COL22A1: variants seen among roughly 807,000 people sequenced by gnomAD.
The protein encoded by COL22A1 is collagen type XXII alpha 1 chain.
Under a neutral mutation model 248.9 loss-of-function variants are expected in COL22A1, and 221 were observed. The observed-to-expected ratio is 0.89, with a 90% CI of 0.80 to 0.99. The LOEUF is 0.99. Among genes scored for constraint, COL22A1 ranks in the 50% least tolerant of loss-of-function variants. COL22A1 has a pLI of 0.00. For missense variants in COL22A1, 2,240 were observed against 2,179.0 expected (o/e 1.03, Z -0.56); for synonymous variants, 891 against 793.4 (o/e 1.12, Z -2.07).
At chr8:138,627,934 T>C (rs1470751330) in intron 50 of COL22A1, among the ~76,000 whole-genome samples, 1 of 152,188 alleles carries the variant, frequency 6.6e-6, no homozygotes, top group African/African-American at 2.4e-5. Flanking sequence ...TTGAAGACGC[T>C]GACCAAAAGT....
chr8:138,641,889 T>A (rs1160609399), intron 47 of COL22A1, among the ~76,000 whole-genome samples: 1 of 152,222 alleles, frequency 6.6e-6, no homozygotes, highest in Admixed American at 6.5e-5. Context: ...AGATACTGTT[T>A]GATAAATGAA....
chr8:138,635,119 T>C, intron 48 of COL22A1, 56 bp from the exon 49 acceptor site: 1 of 1,391,558 alleles, frequency 7.2e-7, no homozygotes, highest in Non-Finnish European at 9.9e-7. Context: ...CTTTTTACTT[T>C]GTGCAAATAT....
chr8:138,865,366 A>G (rs1471522315), intron 3 of COL22A1, among the ~76,000 whole-genome samples: 1 of 151,778 alleles, frequency 6.6e-6, no homozygotes. Flanking sequence ...ATGTGTGGGT[A>G]TGTTTGTATG....
intron 13 of COL22A1, 41 bp from the exon 14 acceptor site, chr8:138,779,603 A>G: frequency 7.0e-7 from 1 of 1,431,156 alleles, no homozygotes. Context: ...GCAGTGGGAC[A>G]CAGGCCCAGG....
Position 138,684,450 on chromosome 8 carries a change from C to A in COL22A1, c.2987G>T (p.Gly996Val). The A allele has an allele frequency of 6.2e-7, 1 of 1,611,452 alleles. No individual in the cohort carries two copies. Among genetic ancestry groups the A allele is most frequent in the Non-Finnish European group, 8.5e-7 (1 of 1,177,674 alleles). ...CTTGGTTCCTAGGGGTCCAGGGAGT[C>A]CAGGTGATCCACGGAGTCCCTGGAG... ...DGEPGLRGSP[G>V]LPGPLGTKAA... Residue 996 changes from glycine (G) to valine (V), a missense_variant, in exon 39 of 65, where the codon GGA (glycine) becomes GTA (valine). By Grantham distance (109) the Gly-to-Val change is moderately radical (BLOSUM62 -3). Coordinates refer to ENST00000303045, the MANE Select transcript of COL22A1 (RefSeq NM_152888.3).
At chr8:138,782,924 G>A (rs1202294260) in intron 12 of COL22A1, among the ~76,000 whole-genome samples, 1 of 152,220 alleles carries the variant, frequency 6.6e-6, no homozygotes, top group East Asian at 1.9e-4. Context: ...TGGCCACACA[G>A]ATTTGCTCTG....
Position 138,724,595 on chromosome 8 carries a change from A to G in COL22A1, c.2247+20T>C. On this transcript the variant is annotated intron_variant, in intron 25 of 64. Transcript: ENST00000303045. ...GGGGAGAGGGAGGAGGGGAGCAGGA[A>G]GATGTTTCCGAACACTCACCGTGGG... is the stretch of plus-strand genomic sequence containing the variant. The G allele has an allele frequency of 6.2e-7, 1 of 1,612,750 alleles. No individual in the cohort carries two copies. The highest frequency in any genetic ancestry group is 8.5e-7 in the Non-Finnish European group (1 of 1,178,912).
intron 7 of COL22A1, among the ~76,000 whole-genome samples, chr8:138,820,405 C>T (rs891980412): frequency 4.6e-5 from 7 of 151,420 alleles, no homozygotes; most frequent in East Asian, 3.9e-4. Context: ...TACATACTTA[C>T]GGTGTATGCA....
At chr8:138,655,016 T>G (rs1587776879) in intron 45 of COL22A1, among the ~76,000 whole-genome samples, 2 of 152,180 alleles carry the variant, frequency 1.3e-5, no homozygotes, top group East Asian at 3.9e-4. Context: ...GGCCCTCCTT[T>G]GAGAACATGA....
chr8:138,794,388 A>G (rs576360081), intron 12 of COL22A1, among the ~76,000 whole-genome samples: 2 of 139,194 alleles, frequency 1.4e-5, no homozygotes, highest in African/African-American at 2.8e-5. Flanking sequence ...TCCATCTCCA[A>G]AAAAAAAAAA....
intron 3 of COL22A1, among the ~76,000 whole-genome samples, chr8:138,865,577 CTGTG>C (rs1202195588): frequency 3.8e-5 from 5 of 131,416 alleles, no homozygotes; most frequent in African/African-American, 1.5e-4. Context: ...GTATGTATGC[CTGTG>C]TGTGAGTGTA....
At chr8:138,826,030 A>T (rs1331858023) in intron 6 of COL22A1, 5 of 152,330 alleles carry the variant, frequency 3.3e-5, no homozygotes, top group Non-Finnish European at 5.9e-5. Context: ...ATCAGAGGTG[A>T]GTAAAGACAG....
chr8:138,679,750 T>A (rs1825820550), intron 39 of COL22A1, 74 bp from the exon 40 acceptor site: 6 of 1,350,846 alleles, frequency 4.4e-6, no homozygotes, highest in Non-Finnish European at 6.3e-6. Flanking sequence ...ATTCAGCCCC[T>A]CTGTTAGGTA....
intron 23 of COL22A1, among the ~76,000 whole-genome samples, chr8:138,727,967 G>A (rs759080703): frequency 7.2e-4 from 110 of 152,116 alleles, no homozygotes; most frequent in Non-Finnish European, 1.3e-3. Flanking sequence ...AGCAAAGCAA[G>A]AGCCCTGCAG....
chr8:138,791,814 G>A (rs1816072652), intron 12 of COL22A1, among the ~76,000 whole-genome samples: 2 of 152,138 alleles, frequency 1.3e-5, no homozygotes, highest in African/African-American at 4.8e-5. Context: ...AACCATAAAA[G>A]ACAATGAACT....
intron 46 of COL22A1, among the ~76,000 whole-genome samples, chr8:138,649,284 T>G (rs561245906): frequency 6.6e-6 from 1 of 152,304 alleles, no homozygotes; most frequent in Admixed American, 6.5e-5. Context: ...AATGGATGGA[T>G]CCATTGATTG....
At chr8:138,911,339 T>C (rs1815438619) in intron 1 of COL22A1, among the ~76,000 whole-genome samples, 1 of 152,244 alleles carries the variant, frequency 6.6e-6, no homozygotes, top group Non-Finnish European at 1.5e-5. Context: ...AAGACCTTTC[T>C]ATGGTAGTAT....
At chr8:138,843,925 C>T (rs1821054334) in intron 4 of COL22A1, among the ~76,000 whole-genome samples, 159 bp downstream of exon 4, 1 of 152,310 alleles carries the variant, frequency 6.6e-6, no homozygotes, top group African/African-American at 2.4e-5. Flanking sequence ...TTGATGAGAG[C>T]TGCCACCTGC....
At chr8:138,755,632 T>A (rs561490329) in intron 19 of COL22A1, 121 bp from the exon 20 acceptor site, 17 of 1,356,230 alleles carry the variant, frequency 1.3e-5, no homozygotes, top group Non-Finnish European at 1.7e-5. Flanking sequence ...CCTCCTGACT[T>A]TTCTCTGATT....
Sources: gnomAD v4.1 joint callset for allele counts (sites outside exome capture counted in the v4.1 genomes callset) on GRCh38, gnomAD v4.1.1 for gene constraint, MANE v1.5 for transcripts, NCBI Gene and HGNC (gene_info 2026-07-23, HGNC 2026-07-21) for gene names.